Variants in TMEM178B observed in about 807,000 individuals in gnomAD.
The protein encoded by TMEM178B is transmembrane protein 178B.
TMEM178B carries 5 observed loss-of-function variants against 31.0 expected under a neutral mutation model. The observed-to-expected ratio is 0.16, with a 90% CI of 0.08 to 0.34. The LOEUF is 0.34. Among genes scored for constraint, TMEM178B ranks in the 10% least tolerant of loss-of-function variants. The pLI is 1.00. For synonymous variants in TMEM178B, 164 were observed against 164.0 expected (o/e 1.00, Z 0.00); for missense variants, 275 against 400.3 (o/e 0.69, Z 2.67).
intron 2 of TMEM178B, among the ~76,000 whole-genome samples, chr7:141,231,906 A>G (rs1797454010): frequency 6.6e-6 from 1 of 152,124 alleles, no homozygotes; most frequent in African/African-American, 2.4e-5. Context: ...CCCCTCACCT[A>G]GGTATTAAGC....
chr7:141,186,278 G>A (rs1796608697), intron 1 of TMEM178B, among the ~76,000 whole-genome samples: 1 of 152,116 alleles, frequency 6.6e-6, no homozygotes, highest in Admixed American at 6.5e-5. Context: ...AGGGAGTTGT[G>A]TTTTGAAAGT....
chr7:141,273,084 T>C (rs1798211044), intron 2 of TMEM178B, among the ~76,000 whole-genome samples: 1 of 152,162 alleles, frequency 6.6e-6, no homozygotes, highest in Non-Finnish European at 1.5e-5. Flanking sequence ...ACAACATGTA[T>C]AAACGTGGAG....
chr7:141,426,551 T>C (rs1801319648), intron 2 of TMEM178B, among the ~76,000 whole-genome samples: 1 of 152,124 alleles, frequency 6.6e-6, no homozygotes. Flanking sequence ...GGACCCATGT[T>C]GGCAGAGAGC....
At chr7:141,305,523 A>G (rs1223902547) in intron 2 of TMEM178B, among the ~76,000 whole-genome samples, 4 of 151,670 alleles carry the variant, frequency 2.6e-5, no homozygotes, top group African/African-American at 9.7e-5. Context: ...CGCCTCCAGG[A>G]TTCAAGCAAT....
At chr7:141,502,699 G>A in the TMEM178B span, among the ~76,000 whole-genome samples, 1 of 151,970 alleles carries the variant, frequency 6.6e-6, no homozygotes. Context: ...GAACCCGGGA[G>A]GCGGAGGTTG....
intron 3 of TMEM178B, 84 bp from the exon 4 acceptor site, chr7:141,470,452 A>T: frequency 7.4e-7 from 1 of 1,346,166 alleles, no homozygotes; most frequent in Non-Finnish European, 9.7e-7. Context: ...ATGTAATAAT[A>T]TTAACTTTTC....
chr7:141,397,393 C>T (rs1291387498), intron 2 of TMEM178B, among the ~76,000 whole-genome samples: 1 of 152,196 alleles, frequency 6.6e-6, no homozygotes, highest in African/African-American at 2.4e-5. Flanking sequence ...AGTAACGTCA[C>T]TTCCCTGAGT....
At position 141,470,795 on chromosome 7, in the gene TMEM178B, C is replaced by A; in HGVS notation, c.*9C>A. The A allele has an allele frequency of 1.4e-6, 2 of 1,395,112 alleles. No individual in the cohort carries two copies. Among genetic ancestry groups the A allele is most frequent in the Non-Finnish European group, 1.9e-6 (2 of 1,069,644 alleles). The allele number at this position is 1,395,112 out of a possible 1,614,324, so 86.4% of individuals were successfully genotyped here. ...ATGGGACAGTGTGCTAAAAAACAAA[C>A]CCATACATACATATATATATATAAA... On this transcript the variant is annotated 3_prime_UTR_variant, in exon 4 of 4. Coordinates refer to ENST00000565468, the MANE Select transcript of TMEM178B (RefSeq NM_001195278.2).
At chr7:141,239,836 T>C (rs1351812005) in intron 2 of TMEM178B, among the ~76,000 whole-genome samples, 1 of 152,028 alleles carries the variant, frequency 6.6e-6, no homozygotes, top group Non-Finnish European at 1.5e-5. Context: ...TCATGACCTG[T>C]GGCAGTGAAC....
At chr7:141,435,296 G>A (rs1412199477) in intron 2 of TMEM178B, among the ~76,000 whole-genome samples, 1 of 152,246 alleles carries the variant, frequency 6.6e-6, no homozygotes, top group Non-Finnish European at 1.5e-5. Context: ...GTTTAAGGAA[G>A]TATAAGCCCC....
chr7:141,449,298 G>A (rs1452269573), intron 3 of TMEM178B, among the ~76,000 whole-genome samples: 4 of 152,080 alleles, frequency 2.6e-5, no homozygotes, highest in Non-Finnish European at 5.9e-5. Flanking sequence ...GAAACAAGAG[G>A]GACAAGCAGG....
chr7:141,411,751 G>A (rs1260436793), intron 2 of TMEM178B, among the ~76,000 whole-genome samples: 6 of 152,194 alleles, frequency 3.9e-5, no homozygotes, highest in South Asian at 4.1e-4. Context: ...GCGCAAACTC[G>A]CTAATTGAAC....
chr7:141,214,701 A>G (rs1460848276), intron 2 of TMEM178B, among the ~76,000 whole-genome samples: 1 of 152,156 alleles, frequency 6.6e-6, no homozygotes, highest in African/African-American at 2.4e-5. Flanking sequence ...GATAATGCCA[A>G]GCTTTGTGGG....
At chr7:141,089,638 A>G (rs189348842) in intron 1 of TMEM178B, among the ~76,000 whole-genome samples, 1 of 152,360 alleles carries the variant, frequency 6.6e-6, no homozygotes, top group Non-Finnish European at 1.5e-5. Flanking sequence ...AGACTGGATT[A>G]AGAAAATGTG....
At chr7:141,192,515 G>A (rs1455976016) in intron 1 of TMEM178B, among the ~76,000 whole-genome samples, 3 of 150,006 alleles carry the variant, frequency 2.0e-5, no homozygotes, top group Non-Finnish European at 1.5e-5. Flanking sequence ...TTGAGACAGA[G>A]TCTCACTCTG....
chr7:141,231,888 C>T (rs550151836), intron 2 of TMEM178B, among the ~76,000 whole-genome samples: 8 of 152,298 alleles, frequency 5.3e-5, no homozygotes, highest in Admixed American at 3.9e-4. Context: ...GTTTGCCAAA[C>T]CGATCAACCC....
Position 141,200,486 on chromosome 7 carries a change from G to A in TMEM178B, c.383-12105G>A, listed in dbSNP as rs573086494. Among the ~76,000 whole-genome samples the A allele has an allele frequency of 3.0e-4, 45 of 152,188 alleles. No homozygotes were observed. The East Asian group carries it at 3.1e-3, about 10-fold the overall frequency. On this transcript the variant is annotated intron_variant, in intron 1 of 3. Transcript: ENST00000565468. Reference sequence around the variant, plus strand: ...GCTGTGAGCCTGGAGGCAGGTGACCGGTGTCTAGATTTTCAATGAAAGAGA... The same window carrying A: ...GCTGTGAGCCTGGAGGCAGGTGACCAGTGTCTAGATTTTCAATGAAAGAGA...
chr7:141,140,254 C>T lies in TMEM178B; in HGVS notation c.382+65562C>T, dbSNP rs150928995. 4.9e-4 allele frequency among the ~76,000 whole-genome samples: 74 copies of T among 152,290 alleles called. No individual in the cohort carries two copies. In the East Asian group the frequency reaches 0.013, roughly 27 times the overall value. Reference sequence around the variant, plus strand: ...AGAGGGCCTTTGCATGAACTGTTTCCGAAGATCTGAACTTTCTCCTCTCCT... The same window carrying T: ...AGAGGGCCTTTGCATGAACTGTTTCTGAAGATCTGAACTTTCTCCTCTCCT... On this transcript the variant is annotated intron_variant, in intron 1 of 3. Coordinates refer to ENST00000565468, the MANE Select transcript of TMEM178B (RefSeq NM_001195278.2).
chr7:141,440,623 T>C (rs1801640566), intron 3 of TMEM178B, among the ~76,000 whole-genome samples: 1 of 152,130 alleles, frequency 6.6e-6, no homozygotes, highest in African/African-American at 2.4e-5. Flanking sequence ...GGAAAGCTCA[T>C]CCAAGCTTTT....
Sources: allele counts gnomAD v4.1 joint callset (sites outside exome capture counted in the v4.1 genomes callset), GRCh38; gene constraint gnomAD v4.1.1; transcripts MANE v1.5; gene names NCBI Gene and HGNC (gene_info 2026-07-23, HGNC 2026-07-21).